The following SPG7 variants were observed in gnomAD, a reference collection of about 807,000 sequenced individuals.
SPG7 encodes mitochondrial inner membrane m-AAA protease component paraplegin.
SPG7 carries 103 observed loss-of-function variants against 81.9 expected under a neutral mutation model. That is an observed-to-expected ratio of 1.26 (90% CI 1.07 to 1.48). The LOEUF (loss-of-function observed/expected upper bound fraction) is 1.48. Ranked by LOEUF, SPG7 falls within the 40% of genes most tolerant of loss-of-function variation. The probability of loss-of-function intolerance (pLI) is 0.00; values close to 1 mark genes in which losing one functional copy is unlikely to be tolerated. For synonymous variants in SPG7, 534 were observed against 444.2 expected (o/e 1.20, Z -2.54); for missense variants, 1,241 against 1,087.3 (o/e 1.14, Z -1.99).
rs551713522 is a variant in SPG7, at chr16:89,512,977, T to C, written c.316T>C (p.Leu106=). The C allele has an allele frequency of 6.2e-7, 1 of 1,613,466 alleles. No individual in the cohort carries two copies. The highest frequency in any genetic ancestry group is 1.7e-5 in the Admixed American group (1 of 60,006). ...GGTFYFNTSR[L]KQKNKEKDKS... ...TACTTTCTATTTTAACACCTCAAGG[T>C]TGAAGCAGAAGAATAAGGAGAAGGA... Residue 106 remains leucine, a synonymous_variant, in exon 3 of 17, where the codon TTG becomes CTG. Transcript: ENST00000645818.
chr16:89,524,442 C>G (rs1567906972), intron 4 of SPG7, among the ~76,000 whole-genome samples, 195 bp downstream of exon 4: 1 of 151,992 alleles, frequency 6.6e-6, no homozygotes, highest in African/African-American at 2.4e-5. Context: ...ATTTGGTTGC[C>G]TTTGTTTTTG....
intron 8 of SPG7, 35 bp downstream of exon 8, chr16:89,532,101 G>A: frequency 6.2e-7 from 1 of 1,605,282 alleles, no homozygotes; most frequent in Non-Finnish European, 8.5e-7. Flanking sequence ...GGGTGGGCTT[G>A]GCTGACTACC....
intron 7 of SPG7, 121 bp downstream of exon 7, chr16:89,530,929 C>T: frequency 7.4e-7 from 1 of 1,353,090 alleles, no homozygotes; most frequent in Non-Finnish European, 1.0e-6. Flanking sequence ...GCGGTGACCT[C>T]TACCATGTCC....
chr16:89,508,495 C>T lies in SPG7; in HGVS notation c.78C>T (p.Gly26=). 1 of 1,511,416 alleles carries T rather than the reference C, an allele frequency of 6.6e-7. No individual in the cohort carries two copies. The highest frequency in any genetic ancestry group is 8.8e-7 in the Non-Finnish European group (1 of 1,136,538). 93.6% of individuals were successfully genotyped at this position (1,511,416 alleles called of 1,614,324 possible). A position where few individuals can be genotyped will look rare whatever the true frequency, so the allele number is the denominator to read the frequency against. ...GTCCTCGGCCGCTGTGGGGCCCAGG[C>T]CCGGCCTGGAGTCCAGGGTTCCCCG... The part of the protein sequence containing the change: ...GPGPRPLWGP[G]PAWSPGFPAR... Residue 26 remains glycine, a synonymous_variant, in exon 1 of 17, where the codon GGC becomes GGT. Transcript: ENST00000645818.
intron 13 of SPG7, chr16:89,551,610 C>G (rs116064418): frequency 1.8e-4 from 28 of 152,312 alleles, no homozygotes; most frequent in African/African-American, 6.5e-4. Context: ...CGTTTTAACA[C>G]GGTATGTCAA....
At chr16:89,515,299 C>T (rs183109965) in intron 3 of SPG7, among the ~76,000 whole-genome samples, 30 of 149,766 alleles carry the variant, frequency 2.0e-4, no homozygotes, top group Middle Eastern at 3.6e-3. Flanking sequence ...AACGGAGTCT[C>T]GCTCTGTTGC....
chr16:89,528,454 G>A (rs970015973), intron 5 of SPG7, among the ~76,000 whole-genome samples: 2 of 150,364 alleles, frequency 1.3e-5, no homozygotes, highest in African/African-American at 2.4e-5. Flanking sequence ...TCATGTCTTC[G>A]TAGGCCGATG....
At chr16:89,556,430 CAG>C in intron 16 of SPG7, 1 of 300,926 alleles carries the variant, frequency 3.3e-6, no homozygotes, top group South Asian at 5.1e-5. Flanking sequence ...CGGCACAGGA[CAG>C]TCGGTGTCTC....
chr16:89,531,034 C>T (rs1402304347), intron 7 of SPG7: 7 of 639,300 alleles, frequency 1.1e-5, no homozygotes, highest in South Asian at 1.8e-5. Context: ...AAGACCCATG[C>T]CTACTGTGCC....
At chr16:89,530,049 G>A (rs539855836) in intron 6 of SPG7, 1 of 288,354 alleles carries the variant, frequency 3.5e-6, no homozygotes, top group East Asian at 9.3e-5. Flanking sequence ...ATGTTGTTCA[G>A]GCTGGTCTCG....
intron 16 of SPG7, 66 bp downstream of exon 16, chr16:89,554,629 C>T: frequency 9.3e-7 from 1 of 1,075,266 alleles, no homozygotes; most frequent in Non-Finnish European, 1.4e-6. Context: ...CCACGGTCCC[C>T]ACCCCTCTCG....
chr16:89,512,523 G>A (rs2058036384), intron 2 of SPG7, among the ~76,000 whole-genome samples: 1 of 151,946 alleles, frequency 6.6e-6, no homozygotes, highest in South Asian at 2.1e-4. Context: ...ATCTCAGCCA[G>A]TCTGGTCTTG....
At chr16:89,548,698 G>A (rs1351285929) in intron 12 of SPG7, 1 of 349,278 alleles carries the variant, frequency 2.9e-6, no homozygotes, top group East Asian at 7.6e-5. Context: ...TGCTCAGTGT[G>A]GGGTCTGCGA....
chr16:89,520,065 C>A (rs965597396), intron 3 of SPG7: 1 of 152,280 alleles, frequency 6.6e-6, no homozygotes, highest in South Asian at 2.1e-4. Flanking sequence ...ATGTGCGTTT[C>A]CTGAGCGCCT....
chr16:89,537,014 C>T (rs1211557666), intron 9 of SPG7: 16 of 1,611,520 alleles, frequency 9.9e-6, no homozygotes, highest in Non-Finnish European at 1.2e-5. Flanking sequence ...TAGCTGCTTC[C>T]GCCCCCGGAT....
chr16:89,510,544 T>C lies in SPG7; in HGVS notation c.238T>C (p.Leu80=), dbSNP rs1167016818. 2 of 1,613,480 alleles carry C rather than the reference T, an allele frequency of 1.2e-6. No homozygotes were observed. Among genetic ancestry groups the C allele is most frequent in the African/African-American group, 1.3e-5 (1 of 74,872 alleles). ...CTTTGAAGGGATCAACGGATTGTTG[T>C]TGAAACAACATTTAGTTCAGAATCC... ...PTFEGINGLL[L]KQHLVQNPVR... Residue 80 remains leucine (L), a synonymous_variant, in exon 2 of 17, where the codon TTG becomes CTG. Coordinates refer to ENST00000645818, the MANE Select transcript of SPG7 (RefSeq NM_003119.4).
chr16:89,535,205 C>T (rs557652935), intron 9 of SPG7, among the ~76,000 whole-genome samples: 5 of 152,282 alleles, frequency 3.3e-5, no homozygotes, highest in East Asian at 1.9e-4. Flanking sequence ...CTGTCGCTGG[C>T]GGTGGACTCT....
intron 11 of SPG7, chr16:89,547,049 A>T (rs919908619): frequency 2.5e-6 from 1 of 406,800 alleles, no homozygotes; most frequent in South Asian, 2.1e-5. Flanking sequence ...GTGACCAGTC[A>T]TGCCGGCGTT....
intron 3 of SPG7, among the ~76,000 whole-genome samples, chr16:89,514,976 G>A (rs563040199): frequency 3.7e-5 from 5 of 135,234 alleles, no homozygotes; most frequent in Non-Finnish European, 7.6e-5. Context: ...TCGCTCTGTC[G>A]CCTGGGCTGG....
Sources: gnomAD v4.1 joint callset for allele counts (sites outside exome capture counted in the v4.1 genomes callset) on GRCh38, gnomAD v4.1.1 for gene constraint, MANE v1.5 for transcripts, NCBI Gene and HGNC (gene_info 2026-07-23, HGNC 2026-07-21) for gene names.